SLCO1B3: variants seen among roughly 807,000 people sequenced by gnomAD.
SLCO1B3 encodes solute carrier organic anion transporter family member 1B3.
A neutral mutation model predicts 71.8 loss-of-function variants in SLCO1B3; 72 were observed. The ratio of observed to expected loss-of-function variants is 1.00; its 90% CI spans 0.83 to 1.22. The LOEUF (loss-of-function observed/expected upper bound fraction) is 1.22, where lower values mean the gene tolerates loss of function less well. Ranked by LOEUF, SLCO1B3 falls within the 50% of genes most tolerant of loss-of-function variation. The pLI, the probability that SLCO1B3 is intolerant of heterozygous loss-of-function variation, is 0.00. For missense variants in SLCO1B3, 911 were observed against 819.7 expected, an observed-to-expected ratio of 1.11 and a Z score of -1.36; for synonymous variants, 298 against 278.4, an observed-to-expected ratio of 1.07 and a Z score of -0.70.
chr12:20,832,932 C>T (rs767748853), intron 3 of SLCO1B3, among the ~76,000 whole-genome samples: 1 of 131,664 alleles, frequency 7.6e-6, no homozygotes, highest in Admixed American at 8.6e-5. Flanking sequence ...TGTTTAATGG[C>T]ATAAAACAAA....
intron 15 of SLCO1B3, among the ~76,000 whole-genome samples, chr12:20,903,593 G>C (rs116377946): frequency 0.01 from 1,553 of 152,130 alleles, 18 homozygotes; most frequent in African/African-American, 0.034. Context: ...GAGAGGGAGA[G>C]AGCAAAGGGG....
At chr12:20,840,865 A>G (rs1348196034) in intron 3 of SLCO1B3, among the ~76,000 whole-genome samples, 3 of 152,100 alleles carry the variant, frequency 2.0e-5, no homozygotes, top group Non-Finnish European at 2.9e-5. Context: ...CATAATCCCT[A>G]TTAAAAACAA....
chr12:20,869,173 G>A, intron 8 of SLCO1B3, among the ~76,000 whole-genome samples: 1 of 152,158 alleles, frequency 6.6e-6, no homozygotes, highest in East Asian at 1.9e-4. Flanking sequence ...CTGCTAAGTA[G>A]CGGGTGTTGT....
intron 3 of SLCO1B3, among the ~76,000 whole-genome samples, chr12:20,833,731 A>G: frequency 9.1e-6 from 1 of 110,384 alleles, no homozygotes; most frequent in East Asian, 3.4e-4. Context: ...ATATTTACAT[A>G]TGTAATTTAT....
chr12:20,910,073 G>C (rs1200186148), intron 15 of SLCO1B3, among the ~76,000 whole-genome samples: 2 of 152,110 alleles, frequency 1.3e-5, no homozygotes, highest in Non-Finnish European at 2.9e-5. Flanking sequence ...TTACTCCTGT[G>C]TTACGTCCTA....
chr12:20,907,674 A>G (rs117151426), intron 15 of SLCO1B3, among the ~76,000 whole-genome samples: 3 of 151,250 alleles, frequency 2.0e-5, no homozygotes, highest in Non-Finnish European at 4.4e-5. Context: ...ACGGCAGGCT[A>G]ATTTTTTTGT....
At chr12:20,828,768 A>G (rs993675437) in intron 3 of SLCO1B3, among the ~76,000 whole-genome samples, 8 of 152,118 alleles carry the variant, frequency 5.3e-5, no homozygotes, top group African/African-American at 1.7e-4. Context: ...AGCTGTGACA[A>G]ACTGCTGATA....
At chr12:20,863,895 A>G (rs1180869840) in intron 8 of SLCO1B3, among the ~76,000 whole-genome samples, 2 of 152,110 alleles carry the variant, frequency 1.3e-5, no homozygotes, top group Non-Finnish European at 2.9e-5. Flanking sequence ...ATTTTTCTAT[A>G]ATTTATTTTA....
chr12:20,858,870 T>C (rs776250309), intron 5 of SLCO1B3: 2 of 170,034 alleles, frequency 1.2e-5, no homozygotes, highest in East Asian at 1.6e-4. Flanking sequence ...ATGTATTTTA[T>C]GTTTTTGCCT....
chr12:20,861,096 A>C lies in SLCO1B3; in HGVS notation c.439A>C (p.Thr147Pro), dbSNP rs57585902. ...SSLSTCLINQ[T>P]LSFNGTSPEI... is the part of the protein sequence containing the mutation. Reference sequence around the variant, plus strand: ...TTTATCAACCTGTTTAATTAATCAAACCTTATCATTCAATGGAACATCACC... The same window carrying C: ...TTTATCAACCTGTTTAATTAATCAACCCTTATCATTCAATGGAACATCACC... The change falls in exon 6 of 16, where the codon ACC (threonine) becomes CCC (proline). Residue 147 changes from threonine (T) to proline (P), a missense_variant. By Grantham distance (38) the Thr-to-Pro change is conservative. Coordinates refer to ENST00000381545, the MANE Select transcript of SLCO1B3 (RefSeq NM_019844.4). 1 of 1,602,590 alleles carries C rather than the reference A, an allele frequency of 6.2e-7. No homozygotes were observed. The highest frequency in any genetic ancestry group is 1.7e-5 in the Admixed American group (1 of 58,320).
chr12:20,817,826 G>A (rs557388121), intron 3 of SLCO1B3, among the ~76,000 whole-genome samples: 7 of 151,870 alleles, frequency 4.6e-5, no homozygotes, highest in Non-Finnish European at 1.0e-4. Context: ...TCCTGACCTC[G>A]TGATCCGCCT....
At chr12:20,875,124 TTTG>T in intron 8 of SLCO1B3, 108 bp from the exon 9 acceptor site, 10 of 1,258,208 alleles carry the variant, frequency 7.9e-6, no homozygotes, top group Non-Finnish European at 1.1e-5. Context: ...AAAGTAAACA[TTTG>T]GTTTACTTTC....
chr12:20,857,011 T>G (rs971305635), intron 4 of SLCO1B3, among the ~76,000 whole-genome samples: 2 of 152,236 alleles, frequency 1.3e-5, no homozygotes, highest in Non-Finnish European at 2.9e-5. Context: ...TCTAAGCCCT[T>G]GCCTGTTGGA....
intron 3 of SLCO1B3, among the ~76,000 whole-genome samples, chr12:20,852,120 T>A (rs1305007323): frequency 6.6e-6 from 1 of 152,192 alleles, no homozygotes; most frequent in Non-Finnish European, 1.5e-5. Flanking sequence ...TTCAAGATTA[T>A]TTTGGCTACG....
At chr12:20,895,039 T>C (rs1865976783) in intron 13 of SLCO1B3, among the ~76,000 whole-genome samples, 1 of 152,128 alleles carries the variant, frequency 6.6e-6, no homozygotes, top group South Asian at 2.1e-4. Flanking sequence ...TCAAACCTCA[T>C]GAGACTTATT....
At chr12:20,870,834 T>C (rs1274564387) in intron 8 of SLCO1B3, among the ~76,000 whole-genome samples, 1 of 152,188 alleles carries the variant, frequency 6.6e-6, no homozygotes, top group Non-Finnish European at 1.5e-5. Context: ...TTTGAATCTG[T>C]GGATATATTT....
At position 20,901,477 on chromosome 12, in the gene SLCO1B3, C is replaced by T. The variant is rs778358296; in HGVS notation, c.1865+10C>T. ...ATTCCGTATTTTTTGGGTAAGTTGT[C>T]GTAAACACATTTCATTAATAGATTT... On this transcript the variant is annotated intron_variant, in intron 15 of 15. Transcript: ENST00000381545. 40 of 1,350,842 alleles carry T rather than the reference C, an allele frequency of 3.0e-5. No homozygotes were observed. In the East Asian group the frequency reaches 5.9e-4, roughly 20 times the overall value. 83.7% of individuals were successfully genotyped at this position (1,350,842 alleles called of 1,614,324 possible). A position where few individuals can be genotyped will look rare whatever the true frequency, so the allele number is the denominator to read the frequency against.
Position 20,901,371 on chromosome 12 carries a change from A to T in SLCO1B3, c.1769A>T (p.Tyr590Phe), listed in dbSNP as rs745546173. 1 of 1,583,164 alleles carries T rather than the reference A, an allele frequency of 6.3e-7. No individual in the cohort carries two copies. Among genetic ancestry groups the T allele is most frequent in the Non-Finnish European group, 8.6e-7 (1 of 1,167,720 alleles). ...GCAGGAGGAATTCTAGCTCCAATAT[A>T]TTTTGGGGCTCTGATTGATAAAACA... ...RTLGGILAPI[Y>F]FGALIDKTCM... Residue 590 changes from tyrosine to phenylalanine, a missense_variant, in exon 15 of 16, where the codon TAT becomes TTT. Tyr to Phe is a conservative substitution (Grantham distance 22). Coordinates refer to ENST00000381545, the MANE Select transcript of SLCO1B3 (RefSeq NM_019844.4).
At chr12:20,821,134 CG>C (rs1864295477) in intron 3 of SLCO1B3, among the ~76,000 whole-genome samples, 1 of 151,580 alleles carries the variant, frequency 6.6e-6, no homozygotes, top group African/African-American at 2.4e-5. Flanking sequence ...AGGGGACAGG[CG>C]GGAGGGAAAG....
Sources: allele counts gnomAD v4.1 joint callset (sites outside exome capture counted in the v4.1 genomes callset), GRCh38; gene constraint gnomAD v4.1.1; transcripts MANE v1.5; gene names NCBI Gene and HGNC (gene_info 2026-07-23, HGNC 2026-07-21).